BABAM2: variants seen among roughly 807,000 people sequenced by gnomAD.
BABAM2 encodes BRISC and BRCA1-A complex member 2.
Under a neutral mutation model 54.7 loss-of-function variants are expected in BABAM2, and 31 were observed. That is an observed-to-expected ratio of 0.57 (90% CI 0.43 to 0.77). The LOEUF (loss-of-function observed/expected upper bound fraction) is 0.77. Among genes scored for constraint, BABAM2 ranks in the 30% least tolerant of loss-of-function variants. The pLI is 0.00. For missense variants in BABAM2, 364 were observed against 455.8 expected, an observed-to-expected ratio of 0.80 and a Z score of 1.83; for synonymous variants, 167 against 162.9, an observed-to-expected ratio of 1.03 and a Z score of -0.19.
At chr2:27,965,804 C>T (rs1321106807) in intron 3 of BABAM2, among the ~76,000 whole-genome samples, 1 of 152,038 alleles carries the variant, frequency 6.6e-6, no homozygotes, top group African/African-American at 2.4e-5. Flanking sequence ...TTATCTTGTT[C>T]CCTTATTCCT....
chr2:27,904,399 C>T (rs1666048842), intron 2 of BABAM2, among the ~76,000 whole-genome samples: 1 of 152,190 alleles, frequency 6.6e-6, no homozygotes, highest in Non-Finnish European at 1.5e-5. Flanking sequence ...CATATGGGCA[C>T]ATTTTATTTT....
intron 6 of BABAM2, among the ~76,000 whole-genome samples, chr2:28,091,922 A>C (rs1197028626): frequency 1.3e-5 from 2 of 152,162 alleles, no homozygotes; most frequent in Admixed American, 1.3e-4. Context: ...AAAATCAGCT[A>C]TAAATTTCAG....
At chr2:28,276,465 G>C (rs921993589) in intron 10 of BABAM2, among the ~76,000 whole-genome samples, 1 of 152,208 alleles carries the variant, frequency 6.6e-6, no homozygotes, top group Non-Finnish European at 1.5e-5. Context: ...ACGCGCAGCC[G>C]TGGGATGTTT....
chr2:28,285,409 G>T (rs1323646689), intron 10 of BABAM2, among the ~76,000 whole-genome samples: 1 of 152,148 alleles, frequency 6.6e-6, no homozygotes, highest in African/African-American at 2.4e-5. Flanking sequence ...ACACATTCTA[G>T]TGGGTCAGAC....
chr2:27,987,910 T>C, intron 3 of BABAM2, 83 bp from the exon 4 acceptor site: 1 of 1,219,122 alleles, frequency 8.2e-7, no homozygotes, highest in East Asian at 2.4e-5. Context: ...TAAATTTCTT[T>C]TAGAAGTTTT....
At chr2:28,312,363 A>G (rs186225626) in intron 11 of BABAM2, among the ~76,000 whole-genome samples, 4 of 152,336 alleles carry the variant, frequency 2.6e-5, no homozygotes, top group Admixed American at 2.0e-4. Context: ...GGAAGCAGGT[A>G]CCATCCAGCT....
intron 11 of BABAM2, among the ~76,000 whole-genome samples, chr2:28,318,513 G>A (rs774710470): frequency 5.3e-5 from 8 of 152,290 alleles, no homozygotes; most frequent in East Asian, 3.9e-4. Flanking sequence ...CAAATCCAGC[G>A]TTCTATGACT....
At chr2:28,189,015 A>C (rs997819100) in intron 7 of BABAM2, among the ~76,000 whole-genome samples, 3 of 152,196 alleles carry the variant, frequency 2.0e-5, no homozygotes, top group Non-Finnish European at 4.4e-5. Flanking sequence ...AGCCTGGCCA[A>C]CATGGTGAAA....
intron 4 of BABAM2, among the ~76,000 whole-genome samples, chr2:28,003,393 T>C (rs753975290): frequency 1.3e-5 from 2 of 152,022 alleles, no homozygotes; most frequent in Non-Finnish European, 2.9e-5. Context: ...GAAAGTCAAT[T>C]CTAAGGCTGG....
intron 4 of BABAM2, among the ~76,000 whole-genome samples, chr2:28,005,925 A>G (rs1009174100): frequency 6.6e-6 from 1 of 152,100 alleles, no homozygotes; most frequent in Non-Finnish European, 1.5e-5. Flanking sequence ...CAAAAATATA[A>G]ATCTTTTAAA....
chr2:28,288,781 A>T (rs1271890528), intron 10 of BABAM2, among the ~76,000 whole-genome samples: 1 of 152,164 alleles, frequency 6.6e-6, no homozygotes, highest in Non-Finnish European at 1.5e-5. Context: ...TCTTCTGCAG[A>T]GCGGTAACCT....
intron 6 of BABAM2, among the ~76,000 whole-genome samples, chr2:28,100,374 C>T (rs1052355432): frequency 1.6e-4 from 24 of 149,302 alleles, no homozygotes; most frequent in African/African-American, 5.2e-4. Context: ...GCAGGAGAAT[C>T]GCTTGAACCT....
Position 28,236,477 on chromosome 2 carries a change from C to A in BABAM2, c.681-725C>A, listed in dbSNP as rs370222585. Among the ~76,000 whole-genome samples, 49 of 151,672 alleles carry A rather than the reference C, an allele frequency of 3.2e-4. 1 individual carries two copies. The East Asian group carries it at 8.9e-3, about 28-fold the overall frequency. The stretch of plus-strand genomic sequence containing the variant: ...CTCCCAGGTTCAAGCAATTCTCATG[C>A]CTCAGCCTCCTGAGTAGCTGGGATT... On this transcript the variant is annotated intron_variant, in intron 7 of 11. Transcript: ENST00000379624.
chr2:28,040,189 A>T (rs1383500815), intron 5 of BABAM2, among the ~76,000 whole-genome samples: 1 of 151,546 alleles, frequency 6.6e-6, no homozygotes, highest in Non-Finnish European at 1.5e-5. Context: ...TTATAACTTA[A>T]TTTTACATTA....
intron 10 of BABAM2, among the ~76,000 whole-genome samples, chr2:28,259,074 CTTTT>C (rs70956009): frequency 1.3e-4 from 3 of 23,424 alleles, no homozygotes; most frequent in Non-Finnish European, 2.2e-4. Flanking sequence ...TGCACCTGGC[CTTTT>C]TTTTTTTTTT....
intron 11 of BABAM2, chr2:28,310,442 G>A: frequency 3.1e-6 from 1 of 321,938 alleles, no homozygotes; most frequent in Non-Finnish European, 5.8e-6. Context: ...TGGTTCCACT[G>A]GAAGCTTCTC....
intron 5 of BABAM2, among the ~76,000 whole-genome samples, chr2:28,036,537 G>T (rs761954808): frequency 3.9e-5 from 6 of 152,146 alleles, no homozygotes; most frequent in Admixed American, 2.6e-4. Context: ...TGAGTAATTG[G>T]TCTGTAACAT....
At chr2:27,982,640 A>G (rs1672092531) in intron 3 of BABAM2, among the ~76,000 whole-genome samples, 1 of 150,308 alleles carries the variant, frequency 6.7e-6, no homozygotes, top group South Asian at 2.1e-4. Context: ...ACTTAACAAA[A>G]TTTACCATAT....
intron 3 of BABAM2, among the ~76,000 whole-genome samples, chr2:27,947,584 A>G (rs1041279053): frequency 6.6e-6 from 1 of 152,056 alleles, no homozygotes; most frequent in Non-Finnish European, 1.5e-5. Context: ...AGAATTCTTC[A>G]TATATTTAGG....
Sources: allele counts gnomAD v4.1 joint callset (sites outside exome capture counted in the v4.1 genomes callset), GRCh38; gene constraint gnomAD v4.1.1; transcripts MANE v1.5; gene names NCBI Gene and HGNC (gene_info 2026-07-23, HGNC 2026-07-21).